Variants in FARP2 observed in about 807,000 individuals in gnomAD.
The protein encoded by FARP2 is FERM, ARHGEF and pleckstrin domain-containing protein 2.
FARP2 carries 111 observed loss-of-function variants against 130.5 expected under a neutral mutation model. The observed-to-expected ratio is 0.85, with a 90% CI of 0.73 to 1.00. The LOEUF is 1.00. FARP2 is among the 50% of genes least tolerant of loss of function. The probability of loss-of-function intolerance (pLI) is 0.00; values close to 1 mark genes in which losing one functional copy is unlikely to be tolerated. For missense variants in FARP2, 1,385 were observed against 1,346.3 expected, an observed-to-expected ratio of 1.03 and a Z score of -0.45; for synonymous variants, 504 against 516.9, an observed-to-expected ratio of 0.98 and a Z score of 0.34.
At chr2:241,371,579 C>T (rs73116362) in intron 1 of FARP2, among the ~76,000 whole-genome samples, 4,040 of 152,230 alleles carry the variant, frequency 0.027, 111 homozygotes, top group African/African-American at 0.069. Flanking sequence ...ATTAAGTTGT[C>T]GTGCAAGGGG....
chr2:241,491,076 A>C lies in FARP2; in HGVS notation c.2520A>C (p.Lys840Asn). ...IVVAASTRLE[K>N]EKWMLDLNSA... ...CTCCCTGCAGCACTCGGCTGGAGAA[A>C]GAGAAGTGGATGCTGGACCTGAACT... The change falls in exon 23 of 27, where the codon AAA (lysine) becomes AAC (asparagine). Residue 840 changes from lysine (K) to asparagine (N), a missense_variant. By Grantham distance (94) the Lys-to-Asn change is moderately conservative (BLOSUM62 0). Transcript: ENST00000264042. 6.2e-7 allele frequency: 1 copy of C among 1,613,348 alleles called. No homozygotes were observed. The highest frequency in any genetic ancestry group is 1.1e-5 in the South Asian group (1 of 91,072).
chr2:241,370,805 T>C (rs1337943112), intron 1 of FARP2, among the ~76,000 whole-genome samples: 2 of 152,244 alleles, frequency 1.3e-5, no homozygotes, highest in Non-Finnish European at 2.9e-5. Flanking sequence ...TGTTTTTTGG[T>C]GCCAGTGACA....
intron 14 of FARP2, among the ~76,000 whole-genome samples, chr2:241,462,104 C>T (rs2064036874): frequency 6.6e-6 from 1 of 152,220 alleles, no homozygotes; most frequent in Non-Finnish European, 1.5e-5. Context: ...GGAAGTGCAC[C>T]AGCAAGTCTG....
At chr2:241,436,717 G>GCTGTAAT (rs953866357) in intron 12 of FARP2, among the ~76,000 whole-genome samples, 179 bp downstream of exon 12, 1 of 152,216 alleles carries the variant, frequency 6.6e-6, no homozygotes, top group African/African-American at 2.4e-5. Flanking sequence ...CAGGGCAGTG[G>GCTGTAAT]CCCATGCCTG....
At chr2:241,384,681 T>C (rs886858266) in intron 2 of FARP2, among the ~76,000 whole-genome samples, 7 of 152,248 alleles carry the variant, frequency 4.6e-5, no homozygotes, top group Non-Finnish European at 1.0e-4. Flanking sequence ...ATATGCTTTT[T>C]GCATGTATTG....
intron 17 of FARP2, chr2:241,465,730 T>C: frequency 6.4e-7 from 1 of 1,550,872 alleles, no homozygotes; most frequent in Non-Finnish European, 8.7e-7. Context: ...CATAACACCA[T>C]GAAGCTGAGC....
intron 14 of FARP2, among the ~76,000 whole-genome samples, chr2:241,458,556 G>A (rs1274853200): frequency 6.6e-6 from 1 of 152,152 alleles, no homozygotes; most frequent in Non-Finnish European, 1.5e-5. Context: ...ACGTACTGCT[G>A]CACGAGGCCT....
intron 2 of FARP2, among the ~76,000 whole-genome samples, chr2:241,387,720 G>A (rs2061819586): frequency 6.6e-6 from 1 of 151,314 alleles, no homozygotes; most frequent in Non-Finnish European, 1.5e-5. Context: ...GTGAACCCGG[G>A]AGGCGGAGCT....
chr2:241,479,023 AT>A, intron 19 of FARP2: 1 of 530,338 alleles, frequency 1.9e-6, no homozygotes, highest in Non-Finnish European at 3.5e-6. Context: ...TGAAAAAATG[AT>A]TTACTCTTTC....
intron 12 of FARP2, among the ~76,000 whole-genome samples, chr2:241,439,249 C>T (rs1037743703): frequency 1.3e-4 from 20 of 151,996 alleles, no homozygotes; most frequent in African/African-American, 4.8e-4. Context: ...AACTCCTGGG[C>T]TCAAGTGATC....
chr2:241,461,728 CCA>C (rs920992835), intron 14 of FARP2, among the ~76,000 whole-genome samples: 6 of 152,344 alleles, frequency 3.9e-5, no homozygotes, highest in East Asian at 1.9e-4. Context: ...CTGAAGCTGG[CCA>C]CAGTCTGGAG....
rs139507659 is a variant in FARP2, at chr2:241,493,043, G to A, written c.2895+7G>A. On this transcript the variant is annotated splice_region_variant and intron_variant, in intron 25 of 26. Coordinates refer to ENST00000264042, the MANE Select transcript of FARP2 (RefSeq NM_014808.4). ...CTTCTACAAAACTCATCAGGTACTG[G>A]AGTTTCACTGGAGCCCAATGCAGGT... 9.2e-5 allele frequency: 136 copies of A among 1,474,378 alleles called. No homozygotes were observed. In the African/African-American group the frequency reaches 1.5e-3, roughly 16 times the overall value. 91.3% of individuals were successfully genotyped at this position (1,474,378 alleles called of 1,614,324 possible).
At chr2:241,437,592 A>G (rs2063265285) in intron 12 of FARP2, among the ~76,000 whole-genome samples, 1 of 151,898 alleles carries the variant, frequency 6.6e-6, no homozygotes, top group Admixed American at 6.6e-5. Context: ...CAGCCTCCCA[A>G]GTAGCTGTGA....
At position 241,459,061 on chromosome 2, in the gene FARP2, G is replaced by A. The variant is rs956269664; in HGVS notation, c.1587+2139G>A. Among the ~76,000 whole-genome samples, 1 of 152,246 alleles carries A rather than the reference G, an allele frequency of 6.6e-6. No homozygotes were observed. Among genetic ancestry groups the A allele is most frequent in the Middle Eastern group, 3.2e-3 (1 of 316 alleles). On this transcript the variant is annotated intron_variant, in intron 14 of 26. Transcript: ENST00000264042. This position sits in a 1 kb window ranked among gnomAD's most constrained non-coding sequence, Gnocchi z 5.3. The stretch of plus-strand genomic sequence containing the variant: ...TCTCCTCAACACCTGGGCTCTGGAG[G>A]GAGGGCTCTGGGCTCTGCTTCAATT...
intron 2 of FARP2, among the ~76,000 whole-genome samples, chr2:241,403,406 G>A (rs1227134566): frequency 6.6e-6 from 1 of 151,940 alleles, no homozygotes; most frequent in African/African-American, 2.4e-5. Context: ...TAGAGGTGAG[G>A]TGTCACTGTA....
Position 241,367,194 on chromosome 2 carries a change from A to G in FARP2, c.-24-5890A>G, listed in dbSNP as rs574477849. Reference sequence around the variant, plus strand: ...GAGTTCTGCAGCACCCTTCTCCCCAAGCTTCTGGGGCCAAGCGTGGTTTCT... The same window carrying G: ...GAGTTCTGCAGCACCCTTCTCCCCAGGCTTCTGGGGCCAAGCGTGGTTTCT... On this transcript the variant is annotated intron_variant, in intron 1 of 26. Coordinates refer to ENST00000264042, the MANE Select transcript of FARP2 (RefSeq NM_014808.4). Among the ~76,000 whole-genome samples the G allele has an allele frequency of 1.4e-4, 22 of 152,182 alleles. 1 individual carries two copies. Among genetic ancestry groups the G allele is most frequent in the African/African-American group, 4.6e-4 (19 of 41,440 alleles).
At chr2:241,441,958 C>T (rs774305319) in intron 13 of FARP2, 35 of 362,884 alleles carry the variant, frequency 9.6e-5, no homozygotes, top group Non-Finnish European at 1.6e-4. Flanking sequence ...AGGGTCTGCT[C>T]GGTCCAGCCC....
chr2:241,374,103 A>G (rs911600488), intron 2 of FARP2, among the ~76,000 whole-genome samples: 4 of 150,798 alleles, frequency 2.7e-5, no homozygotes, highest in African/African-American at 9.8e-5. Flanking sequence ...CCTGGACCTC[A>G]TGGGCTCAAG....
At chr2:241,476,214 T>TAA (rs57746386) in intron 19 of FARP2, among the ~76,000 whole-genome samples, 12 of 108,172 alleles carry the variant, frequency 1.1e-4, no homozygotes, top group South Asian at 3.0e-4. Context: ...TTCTATGAAT[T>TAA]AAAAAAAAAA....
Sources: allele counts gnomAD v4.1 joint callset (sites outside exome capture counted in the v4.1 genomes callset), GRCh38; gene constraint gnomAD v4.1.1; non-coding constraint Gnocchi (gnomAD v3.1); transcripts MANE v1.5; gene names NCBI Gene and HGNC (gene_info 2026-07-23, HGNC 2026-07-21).